UNC79: variants seen among roughly 807,000 people sequenced by gnomAD.
UNC79 encodes the protein protein unc-79 homolog.
A neutral mutation model predicts 283.1 loss-of-function variants in UNC79; 37 were observed. The observed-to-expected ratio is 0.13, with a 90% CI of 0.10 to 0.17. The LOEUF (loss-of-function observed/expected upper bound fraction) is 0.17. Ranked by LOEUF, UNC79 falls within the 10% of genes least tolerant of loss-of-function variation. The pLI is 1.00. For synonymous variants in UNC79, 1,107 were observed against 1,200.2 expected (o/e 0.92, Z 1.61); for missense variants, 2,272 against 3,211.1 (o/e 0.71, Z 7.07).
chr14:93,553,060 G>C (rs2061977870), intron 14 of UNC79, among the ~76,000 whole-genome samples: 1 of 152,178 alleles, frequency 6.6e-6, no homozygotes, highest in African/African-American at 2.4e-5. Flanking sequence ...TTCCCCAGTT[G>C]TGTCCTGTTA....
chr14:93,415,977 G>T (rs1566921686), intron 1 of UNC79, among the ~76,000 whole-genome samples: 1 of 152,046 alleles, frequency 6.6e-6, no homozygotes. Flanking sequence ...GCCAGCTCCT[G>T]GACTCATTAA....
intron 1 of UNC79, among the ~76,000 whole-genome samples, chr14:93,432,810 C>T (rs1352444406): frequency 6.6e-6 from 1 of 152,172 alleles, no homozygotes; most frequent in Non-Finnish European, 1.5e-5. Context: ...AAAAACACCA[C>T]CTGTCATTTG....
intron 15 of UNC79, 42 bp from the exon 16 acceptor site, chr14:93,572,651 C>T: frequency 6.2e-7 from 1 of 1,611,356 alleles, no homozygotes; most frequent in Non-Finnish European, 8.5e-7. Flanking sequence ...AGAACCCAAT[C>T]TATGCCCATT....
chr14:93,337,151 A>T (rs775503581), intron 1 of UNC79, among the ~76,000 whole-genome samples: 1 of 152,158 alleles, frequency 6.6e-6, no homozygotes, highest in Non-Finnish European at 1.5e-5. Context: ...CCGCCCACAG[A>T]CCAATTAGCA....
At chr14:93,591,949 C>T (rs1415828937) in intron 22 of UNC79, among the ~76,000 whole-genome samples, 1 of 152,120 alleles carries the variant, frequency 6.6e-6, no homozygotes, top group Non-Finnish European at 1.5e-5. Flanking sequence ...ACAGTGTGTA[C>T]CACAGTTGGT....
Position 93,396,181 on chromosome 14 carries a change from G to C in UNC79, c.-351+62658G>C, listed in dbSNP as rs368234912. 4.9e-3 allele frequency among the ~76,000 whole-genome samples: 724 copies of C among 148,932 alleles called. 4 individuals are homozygous for C. Among genetic ancestry groups the C allele is most frequent in the African/African-American group, 0.017 (678 of 40,694 alleles). Reference sequence around the variant, plus strand: ...TGAAATCTTCTGTTGAGATTGTCTTGTGGATTTTTCCTTTCAGTTTTTGTT... The same window carrying C: ...TGAAATCTTCTGTTGAGATTGTCTTCTGGATTTTTCCTTTCAGTTTTTGTT... On this transcript the variant is annotated intron_variant, in intron 1 of 49. Transcript: ENST00000256339.
At chr14:93,371,611 C>T (rs568100515) in intron 1 of UNC79, among the ~76,000 whole-genome samples, 2 of 151,826 alleles carry the variant, frequency 1.3e-5, no homozygotes, top group African/African-American at 2.4e-5. Context: ...GAGGCCGAGG[C>T]GGGTGGATCA....
At chr14:93,579,819 G>A (rs890083318) in intron 18 of UNC79, among the ~76,000 whole-genome samples, 1 of 152,154 alleles carries the variant, frequency 6.6e-6, no homozygotes, top group African/African-American at 2.4e-5. Context: ...TGGACTCTAG[G>A]TGAGGAGCAG....
chr14:93,574,944 G>T, intron 16 of UNC79, 114 bp from the exon 17 acceptor site: 1 of 1,148,100 alleles, frequency 8.7e-7, no homozygotes. Context: ...TACGTGTAAG[G>T]CTAATTATCC....
At chr14:93,592,296 C>A (rs1199394836) in intron 22 of UNC79, among the ~76,000 whole-genome samples, 1 of 151,282 alleles carries the variant, frequency 6.6e-6, no homozygotes, top group Non-Finnish European at 1.5e-5. Flanking sequence ...TGCCTCAGCC[C>A]CCTGAGTAGG....
intron 48 of UNC79, among the ~76,000 whole-genome samples, chr14:93,706,203 A>C (rs541593723): frequency 6.6e-6 from 1 of 152,298 alleles, no homozygotes; most frequent in East Asian, 1.9e-4. Flanking sequence ...TTCTGTTCTG[A>C]GCACTTTTTT....
chr14:93,464,500 T>A, intron 1 of UNC79: 1 of 455,968 alleles, frequency 2.2e-6, no homozygotes, highest in South Asian at 1.6e-5. Context: ...TAATCACCCT[T>A]TTAAAGGCCT....
At chr14:93,556,639 T>G (rs2062190261) in intron 14 of UNC79, among the ~76,000 whole-genome samples, 1 of 151,464 alleles carries the variant, frequency 6.6e-6, no homozygotes, top group African/African-American at 2.4e-5. Flanking sequence ...TGAGGGCGTG[T>G]GTGCCAGAGG....
intron 14 of UNC79, among the ~76,000 whole-genome samples, chr14:93,557,889 A>C (rs561841035): frequency 2.0e-5 from 3 of 152,326 alleles, no homozygotes; most frequent in Admixed American, 2.0e-4. Context: ...GAGAATCCTT[A>C]AGGCTAGCCA....
chr14:93,356,122 G>T (rs2054081965), intron 1 of UNC79, among the ~76,000 whole-genome samples: 1 of 151,428 alleles, frequency 6.6e-6, no homozygotes, highest in Non-Finnish European at 1.5e-5. Context: ...CCGCCTCCCG[G>T]GTTCAAGCAA....
intron 33 of UNC79, among the ~76,000 whole-genome samples, chr14:93,643,225 A>C (rs1054264313): frequency 2.0e-5 from 3 of 152,250 alleles, no homozygotes; most frequent in Admixed American, 6.5e-5. Flanking sequence ...TGTCAAATGC[A>C]TCAAATCCTT....
At chr14:93,392,051 C>T (rs895753598) in intron 1 of UNC79, among the ~76,000 whole-genome samples, 2 of 152,168 alleles carry the variant, frequency 1.3e-5, no homozygotes, top group African/African-American at 2.4e-5. Context: ...ATGAGGCAGT[C>T]CTGTGACCAT....
intron 1 of UNC79, among the ~76,000 whole-genome samples, chr14:93,357,745 A>ATATG (rs2054124247): frequency 8.4e-5 from 10 of 118,698 alleles, no homozygotes; most frequent in African/African-American, 3.9e-4. Flanking sequence ...ATATATATAT[A>ATATG]TGGATATATG....
intron 12 of UNC79, among the ~76,000 whole-genome samples, chr14:93,539,420 C>T (rs2061265982): frequency 6.6e-6 from 1 of 151,254 alleles, no homozygotes; most frequent in East Asian, 2.0e-4. Flanking sequence ...ACTCAGGAGG[C>T]TGAGGCAGGA....
Sources: allele counts gnomAD v4.1 joint callset (sites outside exome capture counted in the v4.1 genomes callset), GRCh38; gene constraint gnomAD v4.1.1; transcripts MANE v1.5; gene names NCBI Gene and HGNC (gene_info 2026-07-23, HGNC 2026-07-21).